The following ANKRD30B variants were observed in gnomAD, a reference collection of about 807,000 sequenced individuals.
The protein encoded by ANKRD30B is ankyrin repeat domain 30B.
In ANKRD30B, 144 loss-of-function variants were observed where a neutral mutation model predicts 202.2. The observed-to-expected ratio is 0.71, with a 90% CI of 0.62 to 0.82. ANKRD30B has a LOEUF of 0.82. Among genes scored for constraint, ANKRD30B ranks in the 40% least tolerant of loss-of-function variants. The pLI is 0.00. For synonymous variants in ANKRD30B, 508 were observed against 561.3 expected, an observed-to-expected ratio of 0.91 and a Z score of 1.34; for missense variants, 1,487 against 1,669.1, an observed-to-expected ratio of 0.89 and a Z score of 1.90.
rs115602325 is a variant in ANKRD30B, at chr18:14,775,351, A to G, written c.1330-2634A>G. Reference sequence around the variant, plus strand: ...TCTAAAAACTAAATAATTTCTCTGCATTGATTTATGGGCAATTATATGATT... The same window carrying G: ...TCTAAAAACTAAATAATTTCTCTGCGTTGATTTATGGGCAATTATATGATT... On this transcript the variant is annotated intron_variant, in intron 9 of 43. Coordinates refer to ENST00000690538, the MANE Select transcript of ANKRD30B (RefSeq NM_001367607.2). Among the ~76,000 whole-genome samples the G allele has an allele frequency of 3.4e-3, 521 of 152,340 alleles. 5 individuals are homozygous for G. Among genetic ancestry groups the G allele is most frequent in the African/African-American group, 0.011 (468 of 41,586 alleles).
intron 4 of ANKRD30B, among the ~76,000 whole-genome samples, chr18:14,757,313 G>A (rs1387425818): frequency 6.6e-6 from 1 of 152,120 alleles, no homozygotes; most frequent in Non-Finnish European, 1.5e-5. Flanking sequence ...ATAATGATAT[G>A]TGCTTTAAGG....
chr18:14,865,459 T>A, the ANKRD30B span, among the ~76,000 whole-genome samples: 2 of 151,836 alleles, frequency 1.3e-5, no homozygotes, highest in African/African-American at 4.8e-5. Context: ...ACCGTATTTT[T>A]GCAAACCTTC....
chr18:14,930,161 G>A, the ANKRD30B span, among the ~76,000 whole-genome samples: 14 of 152,302 alleles, frequency 9.2e-5, no homozygotes, highest in South Asian at 1.5e-3. Flanking sequence ...ACACTGGCTC[G>A]CCAGGTGGGT....
the ANKRD30B span, chr18:14,903,762 G>C: frequency 6.6e-6 from 1 of 152,156 alleles, no homozygotes; most frequent in Non-Finnish European, 1.5e-5. Context: ...GCCACCCTCT[G>C]TCTCTCTCCT....
At chr18:14,868,484 T>A in the ANKRD30B span, among the ~76,000 whole-genome samples, 3 of 152,280 alleles carry the variant, frequency 2.0e-5, no homozygotes, top group Admixed American at 6.5e-5. Flanking sequence ...TTTCCTGGGT[T>A]TTGGTGTTGT....
At chr18:14,894,659 C>T in the ANKRD30B span, among the ~76,000 whole-genome samples, 5 of 151,246 alleles carry the variant, frequency 3.3e-5, no homozygotes, top group South Asian at 6.3e-4. Context: ...GAACTAGTAT[C>T]AACAAAGAAA....
chr18:14,918,276 G>A, the ANKRD30B span, among the ~76,000 whole-genome samples: 2 of 152,150 alleles, frequency 1.3e-5, no homozygotes, highest in African/African-American at 4.8e-5. Flanking sequence ...GTATTCTCCT[G>A]AGGCATAAGC....
At chr18:14,877,603 G>A in the ANKRD30B span, 4 of 151,526 alleles carry the variant, frequency 2.6e-5, no homozygotes, top group Admixed American at 2.6e-4. Context: ...CCACAGCCCT[G>A]TAAGGAGAAA....
intron 16 of ANKRD30B, among the ~76,000 whole-genome samples, chr18:14,794,255 G>T (rs973540533): frequency 6.6e-6 from 1 of 151,610 alleles, no homozygotes; most frequent in Non-Finnish European, 1.5e-5. Flanking sequence ...GAACTTCAGG[G>T]ATAATCAGAT....
chr18:14,831,421 C>T lies in ANKRD30B; in HGVS notation c.2813C>T (p.Thr938Ile). The T allele has an allele frequency of 6.5e-7, 1 of 1,533,744 alleles. No homozygotes were observed. Residue 938 changes from threonine (T) to isoleucine (I), a missense_variant, in exon 34 of 44, where the codon ACA becomes ATA. By Grantham distance (89) the Thr-to-Ile change is moderately conservative. Transcript: ENST00000690538. ...GKPTTENSQS[T>I]KVEEDFNLTT... is the part of the protein sequence containing the mutation. ...CCGACTACTGAAAATTCACAGTCTACAAAAGTTGAGGAAGACTTTAATCTT... is the reference window on the plus strand; with the variant it reads ...CCGACTACTGAAAATTCACAGTCTATAAAAGTTGAGGAAGACTTTAATCTT...
Position 14,764,166 on chromosome 18 carries a change from T to A in ANKRD30B, c.1225+76T>A, listed in dbSNP as rs151080145. On this transcript the variant is annotated intron_variant, in intron 7 of 43. Coordinates refer to ENST00000690538, the MANE Select transcript of ANKRD30B (RefSeq NM_001367607.2). ...TAGTGAAAAAAGTGTGATATGGGAG[T>A]TGTTGGGAATGTCTTGAATATCTAA... The A allele has an allele frequency of 4.3e-4, 597 of 1,394,010 alleles. 3 individuals are homozygous for A. The African/African-American group carries it at 8.0e-3, about 19-fold the overall frequency. The allele number at this position is 1,394,010 out of a possible 1,614,324, so 86.4% of individuals were successfully genotyped here.
At chr18:14,841,940 T>A (rs1273108374) in intron 37 of ANKRD30B, among the ~76,000 whole-genome samples, 1 of 152,222 alleles carries the variant, frequency 6.6e-6, no homozygotes, top group Non-Finnish European at 1.5e-5. Context: ...ATGAGAGATA[T>A]TTGAATCTAA....
intron 36 of ANKRD30B, among the ~76,000 whole-genome samples, chr18:14,839,259 T>C (rs1971307667): frequency 6.6e-6 from 1 of 152,204 alleles, no homozygotes; most frequent in Non-Finnish European, 1.5e-5. Context: ...AAGAGAAAAT[T>C]GAAGAACTTT....
chr18:14,826,693 T>TCACACACACA (rs61497414), intron 32 of ANKRD30B, among the ~76,000 whole-genome samples: 3,531 of 124,964 alleles, frequency 0.028, 82 homozygotes, highest in Non-Finnish European at 0.039. Context: ...TCTCTCTCTC[T>TCACACACACA]CACACACACA....
At chr18:14,834,833 A>C (rs1032464771) in intron 34 of ANKRD30B, among the ~76,000 whole-genome samples, 1 of 152,040 alleles carries the variant, frequency 6.6e-6, no homozygotes, top group Non-Finnish European at 1.5e-5. Context: ...ACAAGGAATG[A>C]AAATTTAATT....
At chr18:14,861,676 G>A in the ANKRD30B span, among the ~76,000 whole-genome samples, 78,631 of 149,556 alleles carry the variant, frequency 0.53, 20,829 homozygotes, top group African/African-American at 0.55. Flanking sequence ...AATAATCATG[G>A]AGGACTTCAA....
chr18:14,837,125 G>A, intron 34 of ANKRD30B, 86 bp from the exon 35 acceptor site: 2 of 782,266 alleles, frequency 2.6e-6, no homozygotes, highest in Non-Finnish European at 4.2e-6. Flanking sequence ...TTGTCTTTCT[G>A]ACAAATTGAT....
chr18:14,772,138 T>C lies in ANKRD30B; in HGVS notation c.1257-18T>C, dbSNP rs1967041361. 4 of 1,454,966 alleles carry C rather than the reference T, an allele frequency of 2.7e-6. No homozygotes were observed. The East Asian group carries it at 7.7e-5, about 28-fold the overall frequency. 90.1% of individuals were successfully genotyped at this position (1,454,966 alleles called of 1,614,324 possible). ...TATATGAATTTGCTCATTTATGTTGTATCATTTTTCTTTAAAGTCTTTTTG... is the reference window on the plus strand; with the variant it reads ...TATATGAATTTGCTCATTTATGTTGCATCATTTTTCTTTAAAGTCTTTTTG... On this transcript the variant is annotated intron_variant, in intron 8 of 43. Coordinates refer to ENST00000690538, the MANE Select transcript of ANKRD30B (RefSeq NM_001367607.2).
At chr18:14,933,173 T>C in the ANKRD30B span, among the ~76,000 whole-genome samples, 1 of 152,182 alleles carries the variant, frequency 6.6e-6, no homozygotes, top group African/African-American at 2.4e-5. Context: ...TTTCTCCAGG[T>C]CTTACCAGGT....
Sources: allele counts gnomAD v4.1 joint callset (sites outside exome capture counted in the v4.1 genomes callset), GRCh38; gene constraint gnomAD v4.1.1; transcripts MANE v1.5; gene names NCBI Gene and HGNC (gene_info 2026-07-23, HGNC 2026-07-21).